UQCRC2: variants seen among roughly 807,000 people sequenced by gnomAD.
UQCRC2 encodes the protein cytochrome b-c1 complex subunit 2, mitochondrial.
UQCRC2 carries 49 observed loss-of-function variants against 55.6 expected under a neutral mutation model. The ratio of observed to expected loss-of-function variants is 0.88; its 90% CI spans 0.70 to 1.12. The LOEUF is 1.12. UQCRC2 is among the 50% of genes most tolerant of loss of function. The pLI is 0.00. For synonymous variants in UQCRC2, 193 were observed against 192.0 expected (o/e 1.01, Z -0.04); for missense variants, 506 against 547.8 (o/e 0.92, Z 0.76).
chr16:21,955,179 A>G (rs538771408), intron 1 of UQCRC2, among the ~76,000 whole-genome samples: 1 of 152,316 alleles, frequency 6.6e-6, no homozygotes, highest in East Asian at 1.9e-4. Flanking sequence ...TGCTATGCCC[A>G]TATATCTTAA....
intron 12 of UQCRC2, among the ~76,000 whole-genome samples, chr16:21,980,055 T>C (rs1333640369): frequency 6.6e-6 from 1 of 152,220 alleles, no homozygotes; most frequent in Non-Finnish European, 1.5e-5. Context: ...CAAGCTATGA[T>C]GTTCGATACG....
rs565803452 is a variant in UQCRC2 at position 21,955,982 on chromosome 16, C to T, written c.34-1253C>T. 2.8e-4 allele frequency among the ~76,000 whole-genome samples: 43 copies of T among 152,172 alleles called. 1 individual carries two copies. The highest frequency in any genetic ancestry group is 2.2e-3 in the Admixed American group (33 of 15,280). ...CTGGGATTACAGGCATGCATCACCA[C>T]GCCCCGCTTATTTTGTGTTTTTATT... On this transcript the variant is annotated intron_variant, in intron 1 of 13. Coordinates refer to ENST00000268379, the MANE Select transcript of UQCRC2 (RefSeq NM_003366.4).
intron 3 of UQCRC2, among the ~76,000 whole-genome samples, chr16:21,957,836 G>A (rs951378986): frequency 4.6e-5 from 7 of 152,188 alleles, no homozygotes; most frequent in Non-Finnish European, 1.0e-4. Context: ...TCCCCTGCCT[G>A]TTCCTAGCTT....
At chr16:21,954,772 G>A (rs562909241) in intron 1 of UQCRC2, among the ~76,000 whole-genome samples, 2 of 152,080 alleles carry the variant, frequency 1.3e-5, no homozygotes, top group Non-Finnish European at 2.9e-5. Flanking sequence ...GGCGGAGCGC[G>A]ATGGCTCACA....
intron 12 of UQCRC2, among the ~76,000 whole-genome samples, chr16:21,979,725 C>CT (rs36062951): frequency 0.09 from 13,680 of 152,152 alleles, 791 homozygotes; most frequent in South Asian, 0.25. Context: ...GCTGTAGATA[C>CT]TAAACACTGT....
intron 11 of UQCRC2, among the ~76,000 whole-genome samples, chr16:21,974,913 GAC>G (rs1898546148): frequency 6.6e-6 from 1 of 152,174 alleles, no homozygotes; most frequent in African/African-American, 2.4e-5. Flanking sequence ...GTCATGTTTT[GAC>G]AGACGTGAGA....
At chr16:21,957,761 C>G (rs988213575) in intron 3 of UQCRC2, among the ~76,000 whole-genome samples, 195 bp downstream of exon 3, 6 of 152,202 alleles carry the variant, frequency 3.9e-5, no homozygotes, top group African/African-American at 9.6e-5. Context: ...GTCAAGGTGT[C>G]TAAGCCAAGC....
At chr16:21,975,573 C>T (rs1306815877) in intron 11 of UQCRC2, among the ~76,000 whole-genome samples, 2 of 152,210 alleles carry the variant, frequency 1.3e-5, no homozygotes, top group Non-Finnish European at 2.9e-5. Context: ...CAAGTACCCA[C>T]ATCCCCGGAA....
intron 11 of UQCRC2, 97 bp from the exon 12 acceptor site, chr16:21,976,070 C>T: frequency 1.3e-6 from 1 of 762,658 alleles, no homozygotes; most frequent in Non-Finnish European, 2.3e-6. Flanking sequence ...TGGAACTAAC[C>T]TTCCATCTGT....
At position 21,962,821 on chromosome 16, in the gene UQCRC2, A is replaced by G; in HGVS notation, c.450A>G (p.Glu150=). Residue 150 remains glutamate (E), a synonymous_variant, in exon 6 of 14, where the codon GAA becomes GAG. Coordinates refer to ENST00000268379, the MANE Select transcript of UQCRC2 (RefSeq NM_003366.4). ...VTTAPEFRRW[E]VADLQPQLKI... ...CAGCACCAGAATTTCGTCGTTGGGA[A>G]GTAGCTGACCTTCAGCCTCAGCTAA... is the stretch of plus-strand genomic sequence containing the variant. The G allele has an allele frequency of 6.2e-7, 1 of 1,614,158 alleles. No homozygotes were observed. Among genetic ancestry groups the G allele is most frequent in the Non-Finnish European group, 8.5e-7 (1 of 1,180,020 alleles).
chr16:21,982,204 G>A lies in UQCRC2; in HGVS notation c.1279-884G>A, dbSNP rs543628560. On this transcript the variant is annotated intron_variant, in intron 13 of 13. Coordinates refer to ENST00000268379, the MANE Select transcript of UQCRC2 (RefSeq NM_003366.4). Reference sequence around the variant, plus strand: ...CCTATCATTATGTGCGTCCCAACCCGACTGCTTCCACCACCACCTCTCCTT... The same window carrying A: ...CCTATCATTATGTGCGTCCCAACCCAACTGCTTCCACCACCACCTCTCCTT... 3.9e-5 allele frequency among the ~76,000 whole-genome samples: 6 copies of A among 152,018 alleles called. No individual in the cohort carries two copies. In the South Asian group the frequency reaches 6.3e-4, roughly 16 times the overall value.
At chr16:21,964,996 C>T (rs949200854) in intron 6 of UQCRC2, among the ~76,000 whole-genome samples, 12 of 152,158 alleles carry the variant, frequency 7.9e-5, no homozygotes, top group Non-Finnish European at 1.6e-4. Flanking sequence ...CTGACAATCT[C>T]CTTATTACCT....
intron 1 of UQCRC2, among the ~76,000 whole-genome samples, chr16:21,954,194 G>T (rs1244820763): frequency 6.6e-6 from 1 of 152,164 alleles, no homozygotes; most frequent in East Asian, 1.9e-4. Flanking sequence ...AACCGGTGGC[G>T]ATGTTTGGAG....
chr16:21,973,840 T>C (rs1049098722), intron 10 of UQCRC2, 56 bp from the exon 11 acceptor site: 5 of 1,523,390 alleles, frequency 3.3e-6, no homozygotes, highest in Non-Finnish European at 4.5e-6. Flanking sequence ...CTTAAAGAAA[T>C]CGTGCCCTGT....
Position 21,953,430 on chromosome 16 carries a change from CT to C in UQCRC2, c.8del (p.Leu3HisfsTer2). 1 of 1,613,328 alleles carries C rather than the reference CT, an allele frequency of 6.2e-7. No individual in the cohort carries two copies. The highest frequency in any genetic ancestry group is 8.5e-7 in the Non-Finnish European group (1 of 1,179,750). On this transcript the variant is annotated frameshift_variant, in exon 1 of 14. Coordinates refer to ENST00000268379, the MANE Select transcript of UQCRC2 (RefSeq NM_003366.4). LOFTEE classifies it high-confidence loss of function. MKLLTRAGSFSRF... is the reference protein window; with the variant it reads MKXLTRAGSFSRF... ...GTCAGAACAATCTTGAATCATGAAG[CT>C]ACTAACCAGAGCCGGCTCTTTCTCG... is the stretch of plus-strand genomic sequence containing the variant.
chr16:21,968,485 A>C, intron 7 of UQCRC2, 143 bp from the exon 8 acceptor site: 1 of 551,192 alleles, frequency 1.8e-6, no homozygotes, highest in African/African-American at 2.0e-5. Flanking sequence ...AGGGTAATTC[A>C]CCTCAGTTAG....
intron 12 of UQCRC2, among the ~76,000 whole-genome samples, chr16:21,977,537 T>C (rs1344028550): frequency 6.6e-6 from 1 of 152,126 alleles, no homozygotes; most frequent in Non-Finnish European, 1.5e-5. Context: ...TGTCTGCTAT[T>C]TGGCAATTTA....
intron 1 of UQCRC2, among the ~76,000 whole-genome samples, chr16:21,953,911 T>A (rs1368416716): frequency 1.3e-5 from 2 of 152,174 alleles, no homozygotes; most frequent in Non-Finnish European, 2.9e-5. Flanking sequence ...AGAACACTTA[T>A]TACAGTACCT....
At chr16:21,982,993 A>C (rs1898771696) in intron 13 of UQCRC2, 95 bp from the exon 14 acceptor site, 2 of 950,212 alleles carry the variant, frequency 2.1e-6, no homozygotes, top group Admixed American at 2.4e-5. Flanking sequence ...AGAATGTCCT[A>C]TCCATAAATT....
Sources: allele counts gnomAD v4.1 joint callset (sites outside exome capture counted in the v4.1 genomes callset), GRCh38; gene constraint gnomAD v4.1.1; transcripts MANE v1.5; gene names NCBI Gene and HGNC (gene_info 2026-07-23, HGNC 2026-07-21).